PCDHGA1: variants seen among roughly 807,000 people sequenced by gnomAD.
PCDHGA1 encodes protocadherin gamma subfamily A, 1.
In PCDHGA1, 32 loss-of-function variants were observed where a neutral mutation model predicts 58.0. The observed-to-expected ratio is 0.55, with a 90% CI of 0.42 to 0.74. The LOEUF is 0.74. PCDHGA1 is among the 30% of genes least tolerant of loss of function. PCDHGA1 has a pLI of 0.00. For missense variants in PCDHGA1, 1,205 were observed against 1,182.3 expected (o/e 1.02, Z -0.28); for synonymous variants, 498 against 501.1 (o/e 0.99, Z 0.08).
rs757926227 is a variant in PCDHGA1, at chr5:141,432,889, G to A, written c.2422-61918G>A. 1.6e-5 allele frequency: 26 copies of A among 1,614,180 alleles called. No individual in the cohort carries two copies. In the East Asian group the frequency reaches 5.8e-4, roughly 36 times the overall value. On this transcript the variant is annotated intron_variant, in intron 1 of 3. Transcript: ENST00000517417. This position sits in a 1 kb window ranked among gnomAD's most constrained non-coding sequence, Gnocchi z 6.0. ...GCGTCTTCCTGGCCTTCGTCATCTT[G>A]CTGCTGGCGCTCAGGCTGCGGCGCT...
intron 1 of PCDHGA1, chr5:141,372,525 A>G: frequency 6.2e-7 from 1 of 1,613,804 alleles, no homozygotes; most frequent in South Asian, 1.1e-5. Flanking sequence ...GATTCTGGCA[A>G]TCTCCCTGCG....
At chr5:141,409,796 C>T (rs750405889) in intron 1 of PCDHGA1, 1 of 1,611,944 alleles carries the variant, frequency 6.2e-7, no homozygotes, top group Non-Finnish European at 8.5e-7. Context: ...CGCGCTCACG[C>T]TGCAGGCCCG....
intron 1 of PCDHGA1, chr5:141,408,016 A>G (rs991619128): frequency 9.9e-7 from 1 of 1,014,516 alleles, no homozygotes; most frequent in Admixed American, 3.2e-5. Flanking sequence ...TGCGCAGCCA[A>G]CAACAGAAAG....
At chr5:141,494,976 G>A in intron 2 of PCDHGA1, 111 bp downstream of exon 2, 1 of 1,575,636 alleles carries the variant, frequency 6.3e-7, no homozygotes. Flanking sequence ...TTCTCCCTCA[G>A]TTTGAGATCC....
chr5:141,428,406 C>T (rs908202809), intron 1 of PCDHGA1: 1 of 473,274 alleles, frequency 2.1e-6, no homozygotes, highest in Non-Finnish European at 3.9e-6. Context: ...CCTGGGGTTG[C>T]TTTCACCCTG....
Position 141,476,437 on chromosome 5 carries a change from TCTGGAGTTGGTAGTGGAGAACCC to T in PCDHGA1, c.2422-18369_2422-18347del. ...GGACACTGCCCTCTTGCACTGTAAC[TCTGGAGTTGGTAGTGGAGAACCC>T]GCTGGAGCTGTTCAGCGTGGAAGTG... On this transcript the variant is annotated intron_variant, in intron 1 of 3. Transcript: ENST00000517417. The surrounding 1 kb of genome is among the most constrained non-coding windows in gnomAD (Gnocchi z 7.6). 1 of 1,614,004 alleles carries T rather than the reference TCTGGAGTTGGTAGTGGAGAACCC, an allele frequency of 6.2e-7. No individual in the cohort carries two copies. The highest frequency in any genetic ancestry group is 2.2e-5 in the East Asian group (1 of 44,836).
In PCDHGA1 at chr5:141,423,305, A is replaced by G. The variant is rs746680027; in HGVS notation, c.2422-71502A>G. On this transcript the variant is annotated intron_variant, in intron 1 of 3. Coordinates refer to ENST00000517417, the MANE Select transcript of PCDHGA1 (RefSeq NM_018912.3). Reference sequence around the variant, plus strand: ...TCTGAAACCTCAGACCTCTCGCTGTACTTGGTGGTGGCGGTGGCCGCAGTC... The same window carrying G: ...TCTGAAACCTCAGACCTCTCGCTGTGCTTGGTGGTGGCGGTGGCCGCAGTC... 23 of 1,613,944 alleles carry G rather than the reference A, an allele frequency of 1.4e-5. No individual in the cohort carries two copies. Among genetic ancestry groups the G allele is most frequent in the Non-Finnish European group, 1.9e-5 (22 of 1,180,004 alleles).
Position 141,432,093 on chromosome 5 carries a change from CCAACGA to C in PCDHGA1, c.2422-62709_2422-62704del. 1.2e-6 allele frequency: 2 copies of C among 1,614,170 alleles called. No individual in the cohort carries two copies. The highest frequency in any genetic ancestry group is 1.7e-6 in the Non-Finnish European group (2 of 1,180,046). On this transcript the variant is annotated intron_variant, in intron 1 of 3. Coordinates refer to ENST00000517417, the MANE Select transcript of PCDHGA1 (RefSeq NM_018912.3). The surrounding 1 kb of genome is among the most constrained non-coding windows in gnomAD (Gnocchi z 6.0). ...CATATCTCGCTGAACGTGGCAGACA[CCAACGA>C]CAACCCGCCGGTCTTCCCTCAGGCC...
chr5:141,489,425 G>A lies in PCDHGA1; in HGVS notation c.2422-5382G>A, dbSNP rs779739693. 18 of 1,614,000 alleles carry A rather than the reference G, an allele frequency of 1.1e-5. No homozygotes were observed. Among genetic ancestry groups the A allele is most frequent in the South Asian group, 5.5e-5 (5 of 91,074 alleles). The stretch of plus-strand genomic sequence containing the variant: ...TTAAAGATGACAGATCTGTTGAGCC[G>A]GCGGCTGCAATTGGGCTCTGAGGAG... On this transcript the variant is annotated intron_variant, in intron 1 of 3. Transcript: ENST00000517417. This position sits in a 1 kb window ranked among gnomAD's most constrained non-coding sequence, Gnocchi z 4.5.
chr5:141,419,671 G>T (rs532058652), intron 1 of PCDHGA1: 1 of 1,612,894 alleles, frequency 6.2e-7, no homozygotes, highest in East Asian at 2.2e-5. Context: ...ATGCCTGGCT[G>T]TCCTACCACG....
At chr5:141,452,673 G>A (rs2098746812) in intron 1 of PCDHGA1, among the ~76,000 whole-genome samples, 1 of 151,896 alleles carries the variant, frequency 6.6e-6, no homozygotes, top group Non-Finnish European at 1.5e-5. Flanking sequence ...CTCCAGCCTA[G>A]GCCACAGAAT....
chr5:141,417,566 C>G, intron 1 of PCDHGA1: 1 of 362,746 alleles, frequency 2.8e-6, no homozygotes. Context: ...AGAGAAAAGT[C>G]AAGTTGCAGT....
chr5:141,493,937 A>G lies in PCDHGA1; in HGVS notation c.2422-870A>G, dbSNP rs931274307. Among the ~76,000 whole-genome samples the G allele has an allele frequency of 6.6e-6, 1 of 152,212 alleles. No individual in the cohort carries two copies. The highest frequency in any genetic ancestry group is 1.5e-5 in the Non-Finnish European group (1 of 68,022). ...GGATAACACACCCCCTGGAAAGACCAGAAGGGACTCAGGAATGAAGTGGCT... is the reference window on the plus strand; with the variant it reads ...GGATAACACACCCCCTGGAAAGACCGGAAGGGACTCAGGAATGAAGTGGCT... On this transcript the variant is annotated intron_variant, in intron 1 of 3. Coordinates refer to ENST00000517417, the MANE Select transcript of PCDHGA1 (RefSeq NM_018912.3). This position sits in a 1 kb window ranked among gnomAD's most constrained non-coding sequence, Gnocchi z 4.3.
At chr5:141,411,958 GAT>G (rs1485546812) in intron 1 of PCDHGA1, 1 of 152,192 alleles carries the variant, frequency 6.6e-6, no homozygotes, top group African/African-American at 2.4e-5. Flanking sequence ...GAAGAAAAAA[GAT>G]AAAATCTTTG....
intron 1 of PCDHGA1, chr5:141,357,298 G>A (rs767893393): frequency 6.2e-7 from 1 of 1,613,908 alleles, no homozygotes; most frequent in Non-Finnish European, 8.5e-7. Context: ...AGTGGCCGCT[G>A]TCTCCTGCGT....
intron 1 of PCDHGA1, chr5:141,342,008 T>G (rs1226500641): frequency 1.3e-5 from 2 of 154,162 alleles, no homozygotes; most frequent in African/African-American, 2.4e-5. Flanking sequence ...GGCTTAGTTT[T>G]AAAAATCACA....
At chr5:141,445,020 C>T (rs2098454249) in intron 1 of PCDHGA1, among the ~76,000 whole-genome samples, 1 of 152,130 alleles carries the variant, frequency 6.6e-6, no homozygotes, top group Non-Finnish European at 1.5e-5. Flanking sequence ...TTTAATTTCT[C>T]TCAGCTATGT....
At position 141,489,760 on chromosome 5, in the gene PCDHGA1, C is replaced by A; in HGVS notation, c.2422-5047C>A. 1 of 1,614,086 alleles carries A rather than the reference C, an allele frequency of 6.2e-7. No individual in the cohort carries two copies. Among genetic ancestry groups the A allele is most frequent in the Non-Finnish European group, 8.5e-7 (1 of 1,179,970 alleles). On this transcript the variant is annotated intron_variant, in intron 1 of 3. Coordinates refer to ENST00000517417, the MANE Select transcript of PCDHGA1 (RefSeq NM_018912.3). This position sits in a 1 kb window ranked among gnomAD's most constrained non-coding sequence, Gnocchi z 4.5. ...TACTGTGAGCTTTTACACTCTAAGC[C>A]CCAACAGCCACTTCTCTCTGAATGT...
At position 141,486,481 on chromosome 5, in the gene PCDHGA1, T is replaced by C. The variant is rs1562112794; in HGVS notation, c.2422-8326T>C. 1 of 1,614,036 alleles carries C rather than the reference T, an allele frequency of 6.2e-7. No individual in the cohort carries two copies. The highest frequency in any genetic ancestry group is 8.5e-7 in the Non-Finnish European group (1 of 1,179,976). Reference sequence around the variant, plus strand: ...CTGATGCTGGGAACCCTCCTCTCAGTACCCACAGAACTATTTTCCTCAATA... The same window carrying C: ...CTGATGCTGGGAACCCTCCTCTCAGCACCCACAGAACTATTTTCCTCAATA... On this transcript the variant is annotated intron_variant, in intron 1 of 3. Coordinates refer to ENST00000517417, the MANE Select transcript of PCDHGA1 (RefSeq NM_018912.3). This position sits in a 1 kb window ranked among gnomAD's most constrained non-coding sequence, Gnocchi z 5.0.
Sources: gnomAD v4.1 joint callset for allele counts (sites outside exome capture counted in the v4.1 genomes callset) on GRCh38, gnomAD v4.1.1 for gene constraint, Gnocchi (gnomAD v3.1) non-coding constraint, MANE v1.5 for transcripts, NCBI Gene and HGNC (gene_info 2026-07-23, HGNC 2026-07-21) for gene names.